The following CCT7 variants were observed in gnomAD, a reference collection of about 807,000 sequenced individuals.
CCT7 encodes the protein chaperonin containing TCP1 subunit 7.
Under a neutral mutation model 56.6 loss-of-function variants are expected in CCT7, and 16 were observed. The observed-to-expected ratio is 0.28, with a 90% CI of 0.19 to 0.43. The LOEUF (loss-of-function observed/expected upper bound fraction) is 0.43. CCT7 is among the 20% of genes least tolerant of loss of function. The pLI is 1.00. For synonymous variants in CCT7, 262 were observed against 254.8 expected, an observed-to-expected ratio of 1.03 and a Z score of -0.27; for missense variants, 519 against 685.6, an observed-to-expected ratio of 0.76 and a Z score of 2.71.
chr2:73,237,642 A>T (rs918406709), intron 1 of CCT7: 1 of 152,206 alleles, frequency 6.6e-6, no homozygotes, highest in Non-Finnish European at 1.5e-5. Context: ...GGGACACTCC[A>T]GCAAAAGGAA....
At chr2:73,240,706 T>G (rs555453660) in intron 3 of CCT7, among the ~76,000 whole-genome samples, 163 bp downstream of exon 3, 14 of 152,334 alleles carry the variant, frequency 9.2e-5, no homozygotes, top group South Asian at 4.1e-4. Context: ...AAATTCATAC[T>G]ATTTCGTTAC....
intron 3 of CCT7, among the ~76,000 whole-genome samples, chr2:73,242,363 T>G (rs1687154669): frequency 6.6e-6 from 1 of 152,212 alleles, no homozygotes; most frequent in African/African-American, 2.4e-5. Context: ...CACTGCAACC[T>G]CTGCCTCCCA....
intron 3 of CCT7, 61 bp from the exon 4 acceptor site, chr2:73,242,941 GGA>G: frequency 6.2e-7 from 1 of 1,601,722 alleles, no homozygotes; most frequent in Non-Finnish European, 8.5e-7. Context: ...GCCTAAAAAT[GGA>G]GTTTCAGGGC....
At chr2:73,244,140 A>G (rs1321228922) in intron 5 of CCT7, 91 bp downstream of exon 5, 1 of 1,250,182 alleles carries the variant, frequency 8.0e-7, no homozygotes, top group Non-Finnish European at 1.1e-6. Flanking sequence ...GGCTCAAGTG[A>G]TCTCCCACCT....
At chr2:73,239,079 G>C (rs1246616309) in intron 1 of CCT7, 1 of 152,400 alleles carries the variant, frequency 6.6e-6, no homozygotes, top group Admixed American at 6.5e-5. Flanking sequence ...CAGGGCAAAG[G>C]TGCTGTTTGT....
At chr2:73,234,717 G>C (rs545115990) in intron 1 of CCT7, among the ~76,000 whole-genome samples, 37 of 152,358 alleles carry the variant, frequency 2.4e-4, no homozygotes, top group Admixed American at 1.3e-3. Flanking sequence ...AACGAGTGCA[G>C]GTCGGCCGTG....
At chr2:73,239,510 G>A in intron 1 of CCT7, 133 bp from the exon 2 acceptor site, 1 of 770,724 alleles carries the variant, frequency 1.3e-6, no homozygotes. Flanking sequence ...GTGGTAGACA[G>A]TTGGGGGAAT....
At chr2:73,236,086 C>T (rs903762399) in intron 1 of CCT7, among the ~76,000 whole-genome samples, 2 of 152,184 alleles carry the variant, frequency 1.3e-5, no homozygotes, top group African/African-American at 2.4e-5. Context: ...CTTCTGTAAT[C>T]GAAAGAGAGG....
intron 1 of CCT7, among the ~76,000 whole-genome samples, chr2:73,237,946 A>G (rs764314238): frequency 1.6e-4 from 25 of 152,178 alleles, no homozygotes; most frequent in African/African-American, 3.6e-4. Context: ...CCAGCTACTC[A>G]GGAGGCTTGA....
chr2:73,250,480 C>G, intron 10 of CCT7, 42 bp downstream of exon 10: 1 of 1,608,254 alleles, frequency 6.2e-7, no homozygotes, highest in Non-Finnish European at 8.5e-7. Context: ...CCTACTCTCT[C>G]CTATCTCCCT....
intron 5 of CCT7, 127 bp downstream of exon 5, chr2:73,244,176 A>G: frequency 1.1e-6 from 1 of 937,976 alleles, no homozygotes; most frequent in South Asian, 1.6e-5. Context: ...CTGGGATTAC[A>G]GGTGTGAGTC....
At chr2:73,248,969 A>G (rs373926329) in intron 7 of CCT7, 22 bp from the exon 8 acceptor site, 3 of 1,600,546 alleles carry the variant, frequency 1.9e-6, no homozygotes, top group African/African-American at 2.7e-5. Flanking sequence ...AAGCATTCTC[A>G]TCCTTTTCTG....
intron 1 of CCT7, among the ~76,000 whole-genome samples, chr2:73,238,828 CA>C (rs1652700729): frequency 6.6e-6 from 1 of 152,172 alleles, no homozygotes; most frequent in Non-Finnish European, 1.5e-5. Flanking sequence ...GTCACTAGAG[CA>C]AAGATATCTG....
rs550029134 is a variant in CCT7, at chr2:73,242,859, T to C, written c.268-145T>C. On this transcript the variant is annotated intron_variant, in intron 3 of 11. Transcript: ENST00000258091. ...ACTACCATTAGCTTCTTTCTACTTA[T>C]TGCAAAAACCTGTGCTTCCAGAAAA... 20 of 900,894 alleles carry C rather than the reference T, an allele frequency of 2.2e-5. 1 individual carries two copies. Among genetic ancestry groups the C allele is most frequent in the South Asian group, 1.1e-4 (7 of 65,946 alleles). 55.8% of individuals were successfully genotyped at this position (900,894 alleles called of 1,614,324 possible).
In CCT7 at chr2:73,252,819, C is replaced by G. The variant is rs1205709116; in HGVS notation, c.1590C>G (p.Pro530=). Residue 530 remains proline, a synonymous_variant, in exon 12 of 12, where the codon CCC becomes CCG. Coordinates refer to ENST00000258091, the MANE Select transcript of CCT7 (RefSeq NM_006429.4). ...IKNPRSTVDA[P]TAAGRGRGRG... ...ACCCCCGCTCGACTGTGGATGCTCCCACAGCAGCAGGCCGGGGCCGTGGTC... is the reference window on the plus strand; with the variant it reads ...ACCCCCGCTCGACTGTGGATGCTCCGACAGCAGCAGGCCGGGGCCGTGGTC... The G allele has an allele frequency of 6.2e-7, 1 of 1,614,060 alleles. No homozygotes were observed. Among genetic ancestry groups the G allele is most frequent in the East Asian group, 2.2e-5 (1 of 44,866 alleles).
Position 73,252,964 on chromosome 2 carries a change from C to T in CCT7, c.*103C>T. 1 of 714,970 alleles carries T rather than the reference C, an allele frequency of 1.4e-6. No individual in the cohort carries two copies. Among genetic ancestry groups the T allele is most frequent in the African/African-American group, 1.8e-5 (1 of 55,950 alleles). The allele number at this position is 714,970 out of a possible 1,614,324, so 44.3% of individuals were successfully genotyped here. Reference sequence around the variant, plus strand: ...AGGAAGGGGTAGTAATTGGCCCACTCTCTTCTTACTGGAGGCTATTTAAAT... The same window carrying T: ...AGGAAGGGGTAGTAATTGGCCCACTTTCTTCTTACTGGAGGCTATTTAAAT... On this transcript the variant is annotated 3_prime_UTR_variant, in exon 12 of 12. Coordinates refer to ENST00000258091, the MANE Select transcript of CCT7 (RefSeq NM_006429.4).
Position 73,247,679 on chromosome 2 carries a change from A to G in CCT7, c.619-83A>G, listed in dbSNP as rs569408308. 1.8e-5 allele frequency: 21 copies of G among 1,197,476 alleles called. No homozygotes were observed. In the South Asian group the frequency reaches 2.9e-4, roughly 17 times the overall value. 74.2% of individuals were successfully genotyped at this position (1,197,476 alleles called of 1,614,324 possible). A position where few individuals can be genotyped will look rare whatever the true frequency, so the allele number is the denominator to read the frequency against. On this transcript the variant is annotated intron_variant, in intron 6 of 11. Coordinates refer to ENST00000258091, the MANE Select transcript of CCT7 (RefSeq NM_006429.4). ...GATTAGCTCAGGCTCACAGGAATGGATAAGCACTAGCCAGCAAACAACTAG... is the reference window on the plus strand; with the variant it reads ...GATTAGCTCAGGCTCACAGGAATGGGTAAGCACTAGCCAGCAAACAACTAG...
intron 6 of CCT7, 63 bp downstream of exon 6, chr2:73,244,778 A>G (rs1262939102): frequency 5.2e-6 from 7 of 1,339,780 alleles, no homozygotes; most frequent in Middle Eastern, 1.9e-4. Context: ...AGACAGCTTC[A>G]TATGGCAGAG....
chr2:73,241,434 A>G (rs944299135), intron 3 of CCT7, among the ~76,000 whole-genome samples: 1 of 151,726 alleles, frequency 6.6e-6, no homozygotes, highest in African/African-American at 2.4e-5. Context: ...CTTACCTTAC[A>G]CAGTGAACAT....
Sources: allele counts gnomAD v4.1 joint callset (sites outside exome capture counted in the v4.1 genomes callset), GRCh38; gene constraint gnomAD v4.1.1; transcripts MANE v1.5; gene names NCBI Gene and HGNC (gene_info 2026-07-23, HGNC 2026-07-21).